SYK: variants seen among roughly 807,000 people sequenced by gnomAD.
SYK encodes spleen associated tyrosine kinase, also known as tyrosine-protein kinase SYK.
A neutral mutation model predicts 77.8 loss-of-function variants in SYK; 16 were observed. The observed-to-expected ratio is 0.21, with a 90% CI of 0.14 to 0.31. SYK has a LOEUF of 0.31. Ranked by LOEUF, SYK falls within the 10% of genes least tolerant of loss-of-function variation. The pLI is 1.00. For synonymous variants in SYK, 312 were observed against 308.7 expected (o/e 1.01, Z -0.11); for missense variants, 529 against 814.4 (o/e 0.65, Z 4.26).
At chr9:90,817,882 T>TGTGTGTGTGTGTGTGTGA (rs1302553724) in intron 1 of SYK, among the ~76,000 whole-genome samples, 84 of 66,896 alleles carry the variant, frequency 1.3e-3, no homozygotes, top group East Asian at 3.5e-3. Flanking sequence ...TGTGTGTGTG[T>TGTGTGTGTGTGTGTGTGA]GAGAGAGAGA....
At chr9:90,860,491 G>A (rs926318040) in intron 3 of SYK, among the ~76,000 whole-genome samples, 20 of 151,980 alleles carry the variant, frequency 1.3e-4, no homozygotes, top group African/African-American at 4.4e-4. Flanking sequence ...GGCTGTAGTC[G>A]GCCATGTGGC....
intron 6 of SYK, among the ~76,000 whole-genome samples, chr9:90,865,760 C>T (rs1463931598): frequency 2.0e-5 from 3 of 152,110 alleles, no homozygotes; most frequent in Non-Finnish European, 4.4e-5. Flanking sequence ...ATCCTTGAGC[C>T]GTCTATGTTA....
intron 6 of SYK, among the ~76,000 whole-genome samples, chr9:90,866,329 AT>A (rs1406989677): frequency 6.6e-6 from 1 of 152,220 alleles, no homozygotes; most frequent in Admixed American, 6.5e-5. Flanking sequence ...AGTAGGGACA[AT>A]TGGCTGCCCA....
chr9:90,850,379 A>G (rs1055975874), intron 3 of SYK, among the ~76,000 whole-genome samples: 1 of 152,100 alleles, frequency 6.6e-6, no homozygotes, highest in African/African-American at 2.4e-5. Context: ...AGCTGAGTAT[A>G]GTGGTGTGTG....
At chr9:90,872,563 A>G (rs1427067878) in intron 7 of SYK, among the ~76,000 whole-genome samples, 1 of 152,244 alleles carries the variant, frequency 6.6e-6, no homozygotes, top group African/African-American at 2.4e-5. Flanking sequence ...CAGAGGCAGG[A>G]TAATTATATT....
At position 90,819,782 on chromosome 9, in the gene SYK, C is replaced by T. The variant is rs566647619; in HGVS notation, c.-42+17889C>T. Among the ~76,000 whole-genome samples the T allele has an allele frequency of 3.3e-5, 5 of 152,284 alleles. No homozygotes were observed. In the East Asian group the frequency reaches 7.7e-4, roughly 24 times the overall value. ...CCTCAAATTTCAAAACCAATCATGC[C>T]TTCCCAATAGTCCCCCAAAGTCTTA... On this transcript the variant is annotated intron_variant, in intron 1 of 13. Transcript: ENST00000375754.
intron 1 of SYK, among the ~76,000 whole-genome samples, chr9:90,812,741 A>ATGTGTG (rs759021735): frequency 0.067 from 7,369 of 109,532 alleles, 250 homozygotes; most frequent in African/African-American, 0.11. Flanking sequence ...CCCATTTGAT[A>ATGTGTG]TGTGTGTGTG....
intron 11 of SYK, among the ~76,000 whole-genome samples, chr9:90,887,105 T>C (rs541545458): frequency 6.6e-6 from 1 of 152,314 alleles, no homozygotes; most frequent in South Asian, 2.1e-4. Flanking sequence ...GAAGAGGATA[T>C]TTCCTGTCAT....
At position 90,887,745 on chromosome 9, in the gene SYK, T is replaced by G. The variant is rs1828633258; in HGVS notation, c.1582-4T>G. On this transcript the variant is annotated splice_region_variant and splice_polypyrimidine_tract_variant and intron_variant, in intron 11 of 13. Coordinates refer to ENST00000375754, the MANE Select transcript of SYK (RefSeq NM_003177.7). ...TGGAATTTCTCCCTCTGCTTTGCTT[T>G]TAGGCCCAGACCCATGGAAAGTGGC... 1 of 1,597,642 alleles carries G rather than the reference T, an allele frequency of 6.3e-7. No individual in the cohort carries two copies.
At chr9:90,804,999 A>G (rs2780701) in intron 1 of SYK, among the ~76,000 whole-genome samples, 62,640 of 151,838 alleles carry the variant, frequency 0.41, 13,849 homozygotes, top group East Asian at 0.62. Flanking sequence ...TTTGCCCTAC[A>G]TCTCTTAAAA....
At position 90,888,140 on chromosome 9, in the gene SYK, G is replaced by C. The variant is rs542976420; in HGVS notation, c.1722+251G>C. 1.1e-4 allele frequency among the ~76,000 whole-genome samples: 17 copies of C among 152,266 alleles called. No homozygotes were observed. The East Asian group carries it at 3.3e-3, about 29-fold the overall frequency. On this transcript the variant is annotated intron_variant, in intron 12 of 13. Transcript: ENST00000375754. The stretch of plus-strand genomic sequence containing the variant: ...ATATAACCCAGATCATTACTCATTA[G>C]AGTTGAAATAGAAATAATGACTATT...
intron 1 of SYK, among the ~76,000 whole-genome samples, chr9:90,840,375 G>A (rs1198517749): frequency 6.6e-6 from 1 of 152,078 alleles, no homozygotes; most frequent in Admixed American, 6.5e-5. Flanking sequence ...GGAGGCCCGA[G>A]AAGACCCACT....
chr9:90,837,795 A>C (rs1053363357), intron 1 of SYK, among the ~76,000 whole-genome samples: 2 of 152,172 alleles, frequency 1.3e-5, no homozygotes, highest in East Asian at 3.8e-4. Flanking sequence ...TTTTAAAGAA[A>C]AGCTACTCAG....
At chr9:90,841,238 TTG>T (rs1035107589) in intron 1 of SYK, among the ~76,000 whole-genome samples, 21 of 150,990 alleles carry the variant, frequency 1.4e-4, no homozygotes, top group African/African-American at 4.1e-4. Context: ...TGTATGTAGT[TTG>T]TGTGTGTGGT....
rs538302647 is a variant in SYK, at chr9:90,869,882, T to G, written c.915+2683T>G. ...CAGCACTTTGGGAGGCCGAGGCAGG[T>G]GGATCACTTGAGGTCAGGAGTTCAA... On this transcript the variant is annotated intron_variant, in intron 7 of 13. Coordinates refer to ENST00000375754, the MANE Select transcript of SYK (RefSeq NM_003177.7). Among the ~76,000 whole-genome samples, 37 of 152,170 alleles carry G rather than the reference T, an allele frequency of 2.4e-4. No homozygotes were observed. In the East Asian group the frequency reaches 7.2e-3, roughly 29 times the overall value.
chr9:90,857,969 A>G (rs1357676825), intron 3 of SYK, among the ~76,000 whole-genome samples: 1 of 152,166 alleles, frequency 6.6e-6, no homozygotes, highest in Non-Finnish European at 1.5e-5. Flanking sequence ...GAGAATGAGA[A>G]CACCTAGTGG....
rs200697355 is a variant in SYK at position 90,874,254 on chromosome 9, G to A, written c.966G>A (p.Pro322=). Residue 322 remains proline (P), a synonymous_variant, in exon 8 of 14, where the codon CCG becomes CCA. Transcript: ENST00000375754. The stretch of plus-strand genomic sequence containing the variant: ...AAGAGAGTACTGTGTCATTCAATCC[G>A]TATGAGCCAGAACTTGCACCCTGGG... The part of the protein sequence containing the change: ...NRQESTVSFN[P]YEPELAPWAA... The A allele has an allele frequency of 1.4e-5, 22 of 1,614,012 alleles. No individual in the cohort carries two copies. The highest frequency in any genetic ancestry group is 4.0e-5 in the African/African-American group (3 of 74,912).
chr9:90,805,706 A>G (rs890525752), intron 1 of SYK, among the ~76,000 whole-genome samples: 22 of 152,164 alleles, frequency 1.4e-4, no homozygotes, highest in Non-Finnish European at 2.9e-5. Flanking sequence ...TTAATATTAC[A>G]TCTATCAGTT....
chr9:90,886,437 G>T (rs1272332692), intron 11 of SYK, among the ~76,000 whole-genome samples: 4 of 152,196 alleles, frequency 2.6e-5, no homozygotes, highest in African/African-American at 9.7e-5. Context: ...GGGCACGGTG[G>T]CTCACACCTG....
Sources: allele counts gnomAD v4.1 joint callset (sites outside exome capture counted in the v4.1 genomes callset), GRCh38; gene constraint gnomAD v4.1.1; transcripts MANE v1.5; gene names NCBI Gene and HGNC (gene_info 2026-07-23, HGNC 2026-07-21).